The following SNAP25 variants were observed in gnomAD, a reference collection of about 807,000 sequenced individuals.
SNAP25 encodes the protein synaptosomal-associated protein 25.
SNAP25 carries 3 observed loss-of-function variants against 28.7 expected under a neutral mutation model. The observed-to-expected ratio is 0.10, with a 90% CI of 0.05 to 0.27. The LOEUF (loss-of-function observed/expected upper bound fraction) is 0.27, where lower values mean the gene tolerates loss of function less well. Among genes scored for constraint, SNAP25 ranks in the 10% least tolerant of loss-of-function variants. SNAP25 has a pLI of 1.00. For missense variants in SNAP25, 117 were observed against 278.7 expected (o/e 0.42, Z 4.13); for synonymous variants, 61 against 88.1 (o/e 0.69, Z 1.72).
chr20:10,221,680 C>T (rs539348588), intron 1 of SNAP25, among the ~76,000 whole-genome samples: 2 of 152,322 alleles, frequency 1.3e-5, no homozygotes, highest in Admixed American at 6.5e-5. Context: ...TTGTTAAACA[C>T]GCACAACCAC....
At chr20:10,275,285 T>C (rs1167705193) in intron 1 of SNAP25, 144 bp from the exon 2 acceptor site, 1 of 350,662 alleles carries the variant, frequency 2.9e-6, no homozygotes, top group Non-Finnish European at 5.2e-6. Flanking sequence ...AGCACAATTC[T>C]GTTGACCCCT....
At chr20:10,265,361 A>C (rs1285200436) in intron 1 of SNAP25, among the ~76,000 whole-genome samples, 1 of 152,218 alleles carries the variant, frequency 6.6e-6, no homozygotes, top group Non-Finnish European at 1.5e-5. Context: ...TCTGGTCCTT[A>C]GTTTGCCTTA....
intron 7 of SNAP25, among the ~76,000 whole-genome samples, chr20:10,304,579 A>AT (rs1701980410): frequency 1.3e-5 from 2 of 152,242 alleles, no homozygotes; most frequent in Admixed American, 1.3e-4. Context: ...GTATTTATTG[A>AT]TACCATCAGT....
chr20:10,222,423 T>C (rs2062651538), intron 1 of SNAP25, among the ~76,000 whole-genome samples: 1 of 152,226 alleles, frequency 6.6e-6, no homozygotes, highest in Non-Finnish European at 1.5e-5. Flanking sequence ...GGGAGAGTTC[T>C]GTTAAGCTGA....
At chr20:10,219,096 T>G (rs1600614970) in intron 1 of SNAP25, 119 bp downstream of exon 1, 1 of 151,720 alleles carries the variant, frequency 6.6e-6, no homozygotes, top group Admixed American at 6.6e-5. Context: ...GCACTTAGGG[T>G]GCGGTATTCC....
chr20:10,280,963 C>CCT (rs1808867981), intron 3 of SNAP25, among the ~76,000 whole-genome samples: 2 of 152,124 alleles, frequency 1.3e-5, no homozygotes, highest in East Asian at 3.9e-4. Context: ...GGAGAGAGTG[C>CCT]CTGGAGTGTT....
intron 1 of SNAP25, among the ~76,000 whole-genome samples, chr20:10,272,164 G>A (rs1568606273): frequency 6.6e-6 from 1 of 152,192 alleles, no homozygotes; most frequent in Non-Finnish European, 1.5e-5. Flanking sequence ...CAAGGGTGTA[G>A]GGCTGTCCTG....
chr20:10,288,587 C>A (rs1033823774), intron 4 of SNAP25, among the ~76,000 whole-genome samples: 2 of 152,138 alleles, frequency 1.3e-5, no homozygotes, highest in African/African-American at 4.8e-5. Flanking sequence ...GTCTGTTTGA[C>A]AGATTTCCCC....
At chr20:10,271,955 G>C (rs181225373) in intron 1 of SNAP25, among the ~76,000 whole-genome samples, 23 of 152,248 alleles carry the variant, frequency 1.5e-4, no homozygotes, top group Non-Finnish European at 3.2e-4. Context: ...ATGGAGCGTG[G>C]GGCCAGAAGG....
chr20:10,255,034 G>A (rs941019230), intron 1 of SNAP25, among the ~76,000 whole-genome samples: 4 of 152,260 alleles, frequency 2.6e-5, no homozygotes, highest in East Asian at 3.9e-4. Context: ...TGTGGCTAAG[G>A]TACTTGAAAT....
intron 4 of SNAP25, 42 bp downstream of exon 4, chr20:10,284,814 A>G: frequency 8.0e-6 from 12 of 1,504,468 alleles, no homozygotes; most frequent in Non-Finnish European, 1.0e-5. Flanking sequence ...CCTCTTCTGA[A>G]TAATGTGCAT....
chr20:10,264,488 C>CTT (rs1467268518), intron 1 of SNAP25, among the ~76,000 whole-genome samples: 1 of 152,108 alleles, frequency 6.6e-6, no homozygotes, highest in Non-Finnish European at 1.5e-5. Context: ...TGAGATTGTT[C>CTT]TTCAGCCAAA....
intron 4 of SNAP25, among the ~76,000 whole-genome samples, chr20:10,287,880 A>G (rs1167085775): frequency 6.6e-6 from 1 of 152,092 alleles, no homozygotes; most frequent in Non-Finnish European, 1.5e-5. Flanking sequence ...GAAATTGGAA[A>G]TCATCATTCT....
At chr20:10,292,665 T>C (rs2064023648) in intron 4 of SNAP25, among the ~76,000 whole-genome samples, 1 of 152,154 alleles carries the variant, frequency 6.6e-6, no homozygotes, top group Non-Finnish European at 1.5e-5. Context: ...CCCCATCCCA[T>C]CATGTTGAAT....
At chr20:10,269,459 G>T (rs550421666) in intron 1 of SNAP25, among the ~76,000 whole-genome samples, 8 of 152,220 alleles carry the variant, frequency 5.3e-5, no homozygotes, top group African/African-American at 1.9e-4. Flanking sequence ...CACCTTAGAA[G>T]CTCCATGAAA....
At chr20:10,277,646 A>C in intron 2 of SNAP25, 39 bp from the exon 3 acceptor site, 1 of 1,572,608 alleles carries the variant, frequency 6.4e-7, no homozygotes, top group Non-Finnish European at 8.7e-7. Flanking sequence ...TGGATCCTGC[A>C]CTCATAAAGT....
At chr20:10,305,521 A>G (rs1467287178) in intron 7 of SNAP25, among the ~76,000 whole-genome samples, 1 of 152,220 alleles carries the variant, frequency 6.6e-6, no homozygotes, top group East Asian at 1.9e-4. Flanking sequence ...CAGCCTGGGC[A>G]TCAGAGCAAG....
intron 3 of SNAP25, among the ~76,000 whole-genome samples, chr20:10,280,459 G>A (rs1488204658): frequency 6.6e-6 from 1 of 152,210 alleles, no homozygotes; most frequent in East Asian, 1.9e-4. Flanking sequence ...GGGATAGGAA[G>A]GGAGATGTAA....
chr20:10,271,845 T>C (rs2063599161), intron 1 of SNAP25, among the ~76,000 whole-genome samples: 1 of 152,216 alleles, frequency 6.6e-6, no homozygotes, highest in African/African-American at 2.4e-5. Flanking sequence ...CATGGACCCC[T>C]GCCTTCTAAT....
Sources: gnomAD v4.1 joint callset for allele counts (sites outside exome capture counted in the v4.1 genomes callset) on GRCh38, gnomAD v4.1.1 for gene constraint, MANE v1.5 for transcripts, NCBI Gene and HGNC (gene_info 2026-07-23, HGNC 2026-07-21) for gene names.